The following GRID1 variants were observed in gnomAD, a reference collection of about 807,000 sequenced individuals.
The protein encoded by GRID1 is glutamate ionotropic receptor delta type subunit 1, also known as glutamate receptor ionotropic, delta-1.
GRID1 carries 28 observed loss-of-function variants against 98.0 expected under a neutral mutation model. The observed-to-expected ratio is 0.29, with a 90% CI of 0.21 to 0.39. The LOEUF (loss-of-function observed/expected upper bound fraction) is 0.39, where lower values mean the gene tolerates loss of function less well. Among genes scored for constraint, GRID1 ranks in the 10% least tolerant of loss-of-function variants. GRID1 has a pLI of 1.00. For synonymous variants in GRID1, 553 were observed against 538.5 expected (o/e 1.03, Z -0.37); for missense variants, 1,111 against 1,340.5 (o/e 0.83, Z 2.67).
chr10:85,794,325 T>C (rs1233687962), intron 8 of GRID1, among the ~76,000 whole-genome samples: 1 of 152,242 alleles, frequency 6.6e-6, no homozygotes, highest in African/African-American at 2.4e-5. Context: ...CAAGCACAGC[T>C]ATTTCCGTCC....
chr10:85,787,522 C>A (rs2132735320), intron 8 of GRID1, among the ~76,000 whole-genome samples: 1 of 152,258 alleles, frequency 6.6e-6, no homozygotes, highest in South Asian at 2.1e-4. Flanking sequence ...GGAACTGGAG[C>A]TCTGCTTTGA....
At chr10:86,354,474 G>A (rs1053075426) in intron 2 of GRID1, among the ~76,000 whole-genome samples, 30 of 152,194 alleles carry the variant, frequency 2.0e-4, no homozygotes, top group African/African-American at 6.5e-4. Flanking sequence ...CCCCTCTCTC[G>A]GGCGCCATGG....
chr10:85,707,333 G>T (rs1203363826), intron 12 of GRID1, among the ~76,000 whole-genome samples: 1 of 152,014 alleles, frequency 6.6e-6, no homozygotes, highest in Non-Finnish European at 1.5e-5. Context: ...CTCAAAAGAA[G>T]ACATTTATGC....
rs1224470259 is a variant in GRID1, at chr10:85,601,216, A to G, written c.*1057T>C. On this transcript the variant is annotated 3_prime_UTR_variant, in exon 16 of 16. Coordinates refer to ENST00000327946, the MANE Select transcript of GRID1 (RefSeq NM_017551.3). ...TGGGCACCTCCCCCAACTCTTACTA[A>G]CAGAGTCCGTTTGCCTGACACCACA... 1 of 152,454 alleles carries G rather than the reference A, an allele frequency of 6.6e-6. No homozygotes were observed. Among genetic ancestry groups the G allele is most frequent in the Non-Finnish European group, 1.5e-5 (1 of 68,366 alleles). The allele number at this position is 152,454 out of a possible 1,614,324, so 9.4% of individuals were successfully genotyped here.
Position 86,206,554 on chromosome 10 carries a change from G to A in GRID1, c.330C>T (p.His110=), listed in dbSNP as rs1056918907. The A allele has an allele frequency of 1.2e-6, 2 of 1,614,230 alleles. No homozygotes were observed. The highest frequency in any genetic ancestry group is 1.7e-6 in the Non-Finnish European group (2 of 1,180,046). Residue 110 remains histidine, a synonymous_variant, in exon 3 of 16, where the codon CAC becomes CAT. Coordinates refer to ENST00000327946, the MANE Select transcript of GRID1 (RefSeq NM_017551.3). This position sits in a 1 kb window ranked among gnomAD's most constrained non-coding sequence, Gnocchi z 4.1. ...NALQSLTDAM[H]IPHLFVQRNP... ...TGCGCTGGACAAAGAGGTGTGGGAT[G>A]TGCATGGCATCCGTGAGGGACTGCA...
chr10:86,013,145 G>A (rs557231401), intron 4 of GRID1, among the ~76,000 whole-genome samples: 7 of 152,266 alleles, frequency 4.6e-5, no homozygotes, highest in African/African-American at 9.6e-5. Context: ...CCAATTTCCC[G>A]AGTGTCTGTT....
intron 12 of GRID1, among the ~76,000 whole-genome samples, chr10:85,682,425 A>T (rs1231165620): frequency 2.0e-5 from 3 of 152,216 alleles, no homozygotes; most frequent in African/African-American, 7.2e-5. Flanking sequence ...GTTCAACAAC[A>T]GGCCCTCCAA....
chr10:85,894,829 G>A (rs1841261542), intron 5 of GRID1, among the ~76,000 whole-genome samples: 1 of 151,588 alleles, frequency 6.6e-6, no homozygotes, highest in South Asian at 2.1e-4. Flanking sequence ...CCAGCATGGT[G>A]AAACCCCGTC....
intron 12 of GRID1, among the ~76,000 whole-genome samples, chr10:85,670,092 A>C (rs1426473474): frequency 3.3e-5 from 5 of 152,210 alleles, no homozygotes; most frequent in Non-Finnish European, 1.5e-5. Context: ...TTTTTCAAAA[A>C]TAGTTCATTA....
intron 3 of GRID1, among the ~76,000 whole-genome samples, chr10:86,163,219 G>A (rs1222081706): frequency 6.6e-6 from 1 of 152,118 alleles, no homozygotes; most frequent in African/African-American, 2.4e-5. Context: ...GCACAGCCTG[G>A]CCTGGCACTT....
intron 13 of GRID1, among the ~76,000 whole-genome samples, chr10:85,631,969 C>T (rs917521969): frequency 2.0e-5 from 3 of 149,384 alleles, no homozygotes; most frequent in African/African-American, 7.6e-5. Context: ...TCCCTGTGTG[C>T]CATGTAAACA....
intron 8 of GRID1, among the ~76,000 whole-genome samples, chr10:85,792,437 C>G (rs1227952951): frequency 6.6e-6 from 1 of 152,162 alleles, no homozygotes; most frequent in African/African-American, 2.4e-5. Flanking sequence ...GATTTTCACT[C>G]TTGGCTGCAC....
chr10:86,148,108 G>A (rs890173157), intron 3 of GRID1, among the ~76,000 whole-genome samples: 3 of 152,218 alleles, frequency 2.0e-5, no homozygotes, highest in African/African-American at 7.2e-5. Context: ...TTCAATGGTA[G>A]TCATCTCCTA....
intron 12 of GRID1, among the ~76,000 whole-genome samples, chr10:85,696,574 A>T (rs1403697832): frequency 6.6e-6 from 1 of 152,062 alleles, no homozygotes; most frequent in African/African-American, 2.4e-5. Context: ...TTTCTTGGTT[A>T]GTCTTGCTTG....
chr10:86,131,485 G>A (rs550282218), intron 4 of GRID1, among the ~76,000 whole-genome samples: 2 of 152,302 alleles, frequency 1.3e-5, no homozygotes, highest in South Asian at 4.1e-4. Flanking sequence ...ACCCACAAAG[G>A]AAGGAAAGGC....
chr10:86,166,643 G>C (rs1845403163), intron 3 of GRID1, among the ~76,000 whole-genome samples: 1 of 152,216 alleles, frequency 6.6e-6, no homozygotes. Flanking sequence ...CAACAGCCCA[G>C]TTCCTGGCGC....
chr10:86,288,213 T>A (rs1847462839), intron 2 of GRID1, among the ~76,000 whole-genome samples: 1 of 151,590 alleles, frequency 6.6e-6, no homozygotes. Flanking sequence ...GAGAGCAGAG[T>A]TCAGCAGCGA....
At chr10:85,982,277 T>G (rs1254605245) in intron 4 of GRID1, among the ~76,000 whole-genome samples, 1 of 152,166 alleles carries the variant, frequency 6.6e-6, no homozygotes, top group Non-Finnish European at 1.5e-5. Context: ...TTTCACTATT[T>G]GTATGTATAG....
At position 86,313,464 on chromosome 10, in the gene GRID1, A is replaced by T. The variant is rs557259528; in HGVS notation, c.235+50477T>A. 1.3e-4 allele frequency among the ~76,000 whole-genome samples: 20 copies of T among 152,270 alleles called. 1 individual carries two copies. The South Asian group carries it at 3.3e-3, about 25-fold the overall frequency. On this transcript the variant is annotated intron_variant, in intron 2 of 15. Coordinates refer to ENST00000327946, the MANE Select transcript of GRID1 (RefSeq NM_017551.3). ...TGTCATGCATAGGAAATGTTAGTGT[A>T]ATGAACAGAGGACTCTCCAGGCCTC...
Sources: allele counts gnomAD v4.1 joint callset (sites outside exome capture counted in the v4.1 genomes callset), GRCh38; gene constraint gnomAD v4.1.1; non-coding constraint Gnocchi (gnomAD v3.1); transcripts MANE v1.5; gene names NCBI Gene and HGNC (gene_info 2026-07-23, HGNC 2026-07-21).